TRMU: variants seen among roughly 807,000 people sequenced by gnomAD.
TRMU encodes the protein tRNA mitochondrial 2-thiouridylase.
Under a neutral mutation model 46.9 loss-of-function variants are expected in TRMU, and 49 were observed. The observed-to-expected ratio is 1.05, with a 90% CI of 0.83 to 1.33. TRMU has a LOEUF of 1.33. Among genes scored for constraint, TRMU ranks in the 40% most tolerant of loss-of-function variants. The probability of loss-of-function intolerance (pLI) is 0.00; values close to 1 mark genes in which losing one functional copy is unlikely to be tolerated. For synonymous variants in TRMU, 241 were observed against 200.9 expected (o/e 1.20, Z -1.69); for missense variants, 572 against 532.4 (o/e 1.07, Z -0.73).
intron 1 of TRMU, 133 bp from the exon 2 acceptor site, chr22:46,337,646 G>A: frequency 8.5e-7 from 1 of 1,172,800 alleles, no homozygotes; most frequent in Admixed American, 2.0e-5. Flanking sequence ...TGGCAAAGCA[G>A]GGACTGCCCG....
In TRMU at chr22:46,336,299, A is replaced by G. The variant is rs962288691; in HGVS notation, c.82+453A>G. ...TCCTCCCCACTCAGCAGACTGGACA[A>G]CTGCCGCGCGGCGGGTCTGCTTGTT... On this transcript the variant is annotated intron_variant, in intron 1 of 10. Coordinates refer to ENST00000645190, the MANE Select transcript of TRMU (RefSeq NM_018006.5). The surrounding 1 kb of genome is among the most constrained non-coding windows in gnomAD (Gnocchi z 4.1). 14 of 254,660 alleles carry G rather than the reference A, an allele frequency of 5.5e-5. No homozygotes were observed. The highest frequency in any genetic ancestry group is 2.6e-4 in the African/African-American group (11 of 43,116). 15.8% of individuals were successfully genotyped at this position (254,660 alleles called of 1,614,324 possible). A position where few individuals can be genotyped will look rare whatever the true frequency, so the allele number is the denominator to read the frequency against.
rs1278960577 is a variant in TRMU at position 46,355,316 on chromosome 22, G to A, written c.874-128G>A. On this transcript the variant is annotated intron_variant, in intron 8 of 10. Transcript: ENST00000645190. ...TGAATTTCTGTGGGTAGAACACTTCGAGCGGTGCCAGCACCGTTACCTGTG... is the reference window on the plus strand; with the variant it reads ...TGAATTTCTGTGGGTAGAACACTTCAAGCGGTGCCAGCACCGTTACCTGTG... 8 of 1,394,366 alleles carry A rather than the reference G, an allele frequency of 5.7e-6. No individual in the cohort carries two copies. In the Admixed American group the frequency reaches 6.0e-5, roughly 10 times the overall value. The allele number at this position is 1,394,366 out of a possible 1,614,324, so 86.4% of individuals were successfully genotyped here. A position where few individuals can be genotyped will look rare whatever the true frequency, so the allele number is the denominator to read the frequency against.
chr22:46,351,070 G>A lies in TRMU; in HGVS notation c.651+607G>A, dbSNP rs1437837952. ...TGGGAAGCACCAGTGGGGTCTGAGA[G>A]TAGGGAATGGAGATGCCAAAAACGG... On this transcript the variant is annotated intron_variant, in intron 5 of 10. Coordinates refer to ENST00000645190, the MANE Select transcript of TRMU (RefSeq NM_018006.5). The surrounding 1 kb of genome is among the most constrained non-coding windows in gnomAD (Gnocchi z 6.4). 1.3e-5 allele frequency among the ~76,000 whole-genome samples: 2 copies of A among 152,224 alleles called. No homozygotes were observed. Among genetic ancestry groups the A allele is most frequent in the Non-Finnish European group, 2.9e-5 (2 of 68,036 alleles).
At chr22:46,335,980 C>A in intron 1 of TRMU, 134 bp downstream of exon 1, 1 of 1,465,380 alleles carries the variant, frequency 6.8e-7, no homozygotes, top group Non-Finnish European at 9.0e-7. Context: ...GGAGGATACC[C>A]CGTCCTCTGA....
At chr22:46,343,884 T>C (rs1193809283) in intron 3 of TRMU, among the ~76,000 whole-genome samples, 1 of 152,208 alleles carries the variant, frequency 6.6e-6, no homozygotes, top group East Asian at 1.9e-4. Context: ...CGAGATACCA[T>C]TGTAAGCCAG....
In TRMU at chr22:46,356,824, AG is replaced by A. The variant is rs781362845; in HGVS notation, c.1102-15del. The A allele has an allele frequency of 2.0e-5, 33 of 1,612,060 alleles. 1 individual carries two copies. The highest frequency in any genetic ancestry group is 2.4e-5 in the Non-Finnish European group (28 of 1,179,288). ...GGCTCCCTGTGGCACCCCTGATGCC[AG>A]GGTCTCTCCCCTACAGTTTGCTGTG... is the stretch of plus-strand genomic sequence containing the variant. On this transcript the variant is annotated splice_polypyrimidine_tract_variant and intron_variant, in intron 10 of 10. Coordinates refer to ENST00000645190, the MANE Select transcript of TRMU (RefSeq NM_018006.5).
chr22:46,356,563 G>A (rs909366562), intron 10 of TRMU: 4 of 521,102 alleles, frequency 7.7e-6, no homozygotes, highest in South Asian at 2.3e-5. Flanking sequence ...CCCAAGGGGT[G>A]CAGAGACCTG....
chr22:46,355,845 C>G (rs1014033441), intron 9 of TRMU, 145 bp from the exon 10 acceptor site: 11 of 1,050,942 alleles, frequency 1.0e-5, no homozygotes, highest in Non-Finnish European at 1.5e-5. Context: ...TGTCCTGCTG[C>G]GTCCAGGGCC....
rs1331162030 is a variant in TRMU at position 46,338,878 on chromosome 22, AG to A, written c.248+938del. Among the ~76,000 whole-genome samples the A allele has an allele frequency of 6.6e-6, 1 of 152,134 alleles. No homozygotes were observed. The highest frequency in any genetic ancestry group is 2.4e-5 in the African/African-American group (1 of 41,412). On this transcript the variant is annotated intron_variant, in intron 2 of 10. Transcript: ENST00000645190. The surrounding 1 kb of genome is among the most constrained non-coding windows in gnomAD (Gnocchi z 4.5). ...GGCTGCCCCTGCCTGAGTGGGCTTT[AG>A]GGGCAGAAGAGCCTTGGGTTGAGTC... is the stretch of plus-strand genomic sequence containing the variant.
chr22:46,356,913 C>T lies in TRMU; in HGVS notation c.1173C>T (p.Tyr391=). The change falls in exon 11 of 11, where the codon TAC becomes TAT. Residue 391 remains tyrosine (Y), a synonymous_variant. Transcript: ENST00000645190. ...TCCTGCGGCTGGGGCCGTCTGCCTA[C>T]ACGCTCCAGAAGGGCCAGCGCAGAG... ...GKILRLGPSA[Y]TLQKGQRRAG... 1 of 1,613,288 alleles carries T rather than the reference C, an allele frequency of 6.2e-7. No individual in the cohort carries two copies. The highest frequency in any genetic ancestry group is 8.5e-7 in the Non-Finnish European group (1 of 1,179,970).
chr22:46,355,491 C>G lies in TRMU; in HGVS notation c.921C>G (p.Thr307=), dbSNP rs1442279659. 2 of 1,613,272 alleles carry G rather than the reference C, an allele frequency of 1.2e-6. No individual in the cohort carries two copies. Among genetic ancestry groups the G allele is most frequent in the Admixed American group, 3.3e-5 (2 of 60,024 alleles). ...HPALYRDLLR[T]SRVHWIAEEP... ...CCCTGTACAGGGACCTGCTGAGGAC[C>G]AGCCGCGTGCACTGGATTGCGGAGG... The change falls in exon 9 of 11, where the codon ACC becomes ACG. Residue 307 remains threonine, a synonymous_variant. Transcript: ENST00000645190.
At position 46,342,056 on chromosome 22, in the gene TRMU, C is replaced by T. The variant is rs753741473; in HGVS notation, c.249-1206C>T. The stretch of plus-strand genomic sequence containing the variant: ...TCCCCATACAGCAAGCAGTGGACAC[C>T]GACTGGGTGTCCTCTGATTCAGTTC... On this transcript the variant is annotated intron_variant, in intron 2 of 10. Transcript: ENST00000645190. This position sits in a 1 kb window ranked among gnomAD's most constrained non-coding sequence, Gnocchi z 4.7. Among the ~76,000 whole-genome samples the T allele has an allele frequency of 1.2e-4, 19 of 152,212 alleles. No individual in the cohort carries two copies. Among genetic ancestry groups the T allele is most frequent in the Admixed American group, 8.5e-4 (13 of 15,296 alleles).
At position 46,353,787 on chromosome 22, in the gene TRMU, G is replaced by C; in HGVS notation, c.793G>C (p.Gly265Arg). ...TGTAGGTTGGTTCCTGTATACCTTG[G>C]GCCAGAGAGCAAACATAGGTGGCCT... ...THKGWFLYTL[G>R]QRANIGGLRE... is the part of the protein sequence containing the mutation. Residue 265 changes from glycine (G) to arginine (R), a missense_variant, in exon 8 of 11, where the codon GGC (glycine) becomes CGC (arginine). Gly to Arg is a moderately radical substitution (Grantham distance 125, BLOSUM62 -2). Coordinates refer to ENST00000645190, the MANE Select transcript of TRMU (RefSeq NM_018006.5). The C allele has an allele frequency of 6.2e-7, 1 of 1,613,898 alleles. No individual in the cohort carries two copies.
chr22:46,345,177 TCTC>T (rs937875870), intron 3 of TRMU, among the ~76,000 whole-genome samples: 15 of 152,082 alleles, frequency 9.9e-5, no homozygotes, highest in African/African-American at 3.4e-4. Flanking sequence ...TTCAAGCAAT[TCTC>T]CTGCCTCAGC....
rs1326793398 is a variant in TRMU at position 46,348,496 on chromosome 22, C to T, written c.479-1795C>T. Among the ~76,000 whole-genome samples the T allele has an allele frequency of 6.6e-6, 1 of 152,212 alleles. No individual in the cohort carries two copies. Among genetic ancestry groups the T allele is most frequent in the Non-Finnish European group, 1.5e-5 (1 of 68,040 alleles). ...CTGCAGGGGCAGTGGACGGCCTGGGCTCAGGGTCGGTCAGCACCTGAGACC... is the reference window on the plus strand; with the variant it reads ...CTGCAGGGGCAGTGGACGGCCTGGGTTCAGGGTCGGTCAGCACCTGAGACC... On this transcript the variant is annotated intron_variant, in intron 4 of 10. Transcript: ENST00000645190. This position sits in a 1 kb window ranked among gnomAD's most constrained non-coding sequence, Gnocchi z 4.8.
intron 9 of TRMU, 73 bp downstream of exon 9, chr22:46,355,661 A>T (rs983788388): frequency 2.5e-6 from 4 of 1,606,940 alleles, no homozygotes; most frequent in Non-Finnish European, 3.4e-6. Context: ...TGGGCCAGGG[A>T]TGGGAGACCC....
At position 46,352,534 on chromosome 22, in the gene TRMU, C is replaced by G; in HGVS notation, c.772+204C>G. The G allele has an allele frequency of 6.2e-6, 4 of 640,940 alleles. No homozygotes were observed. In the South Asian group the frequency reaches 7.0e-5, roughly 11 times the overall value. 39.7% of individuals were successfully genotyped at this position (640,940 alleles called of 1,614,324 possible). A position where few individuals can be genotyped will look rare whatever the true frequency, so the allele number is the denominator to read the frequency against. ...CTGGGTGCACTTCCAGATGTGGCCT[C>G]AGCTGAGATGCTGGAGTTCATGAAA... On this transcript the variant is annotated intron_variant, in intron 7 of 10. Transcript: ENST00000645190.
At chr22:46,343,021 G>T (rs2078161821) in intron 2 of TRMU, among the ~76,000 whole-genome samples, 1 of 152,240 alleles carries the variant, frequency 6.6e-6, no homozygotes, top group Admixed American at 6.5e-5. Context: ...CATAAGCCCT[G>T]TGAGCCTACA....
Position 46,352,307 on chromosome 22 carries a change from A to T in TRMU, c.749A>T (p.Asn250Ile), listed in dbSNP as rs370586811. The T allele has an allele frequency of 1.2e-5, 20 of 1,614,044 alleles. No homozygotes were observed. Among genetic ancestry groups the T allele is most frequent in the Non-Finnish European group, 1.7e-5 (20 of 1,180,024 alleles). Residue 250 changes from asparagine (N) to isoleucine (I), a missense_variant, in exon 7 of 11, where the codon AAT becomes ATT. By Grantham distance (149) the Asn-to-Ile change is moderately radical. Coordinates refer to ENST00000645190, the MANE Select transcript of TRMU (RefSeq NM_018006.5). ...GGTCACTTTATTTCCATAGAAGACA[A>T]TAAGGTTCTGGGAACACATAAAGGT... ...RPGHFISIED[N>I]KVLGTHKGWF...
Sources: gnomAD v4.1 joint callset for allele counts (sites outside exome capture counted in the v4.1 genomes callset) on GRCh38, gnomAD v4.1.1 for gene constraint, Gnocchi (gnomAD v3.1) non-coding constraint, MANE v1.5 for transcripts, NCBI Gene and HGNC (gene_info 2026-07-23, HGNC 2026-07-21) for gene names.